Variants in MALRD1 observed in about 807,000 individuals in gnomAD.
The protein encoded by MALRD1 is MAM and LDL receptor class A domain containing 1.
MALRD1 carries 247 observed loss-of-function variants against 242.1 expected under a neutral mutation model. The observed-to-expected ratio is 1.02, with a 90% CI of 0.92 to 1.13. The LOEUF (loss-of-function observed/expected upper bound fraction) is 1.13, where lower values mean the gene tolerates loss of function less well. Among genes scored for constraint, MALRD1 ranks in the 50% most tolerant of loss-of-function variants. The pLI is 0.00. For synonymous variants in MALRD1, 995 were observed against 866.6 expected, an observed-to-expected ratio of 1.15 and a Z score of -2.60; for missense variants, 2,989 against 2,533.1, an observed-to-expected ratio of 1.18 and a Z score of -3.86.
intron 31 of MALRD1, among the ~76,000 whole-genome samples, chr10:19,506,682 T>C (rs1245852105): frequency 1.3e-5 from 2 of 152,108 alleles, no homozygotes; most frequent in African/African-American, 2.4e-5. Context: ...TGGTTAGATA[T>C]GATAATAAGT....
chr10:19,567,439 T>A (rs1185380033), intron 32 of MALRD1, 63 bp from the exon 33 acceptor site: 4 of 1,351,044 alleles, frequency 3.0e-6, no homozygotes, highest in East Asian at 2.5e-5. Context: ...TCATCAATCA[T>A]CTGGATGTCC....
At chr10:19,204,848 GT>G (rs1459141756) in intron 16 of MALRD1, 49 bp from the exon 17 acceptor site, 1 of 1,463,860 alleles carries the variant, frequency 6.8e-7, no homozygotes, top group South Asian at 1.4e-5. Context: ...GGTTAAATAT[GT>G]AGTCTATTCT....
chr10:19,721,793 T>G (rs1834768290), intron 38 of MALRD1: 1 of 152,260 alleles, frequency 6.6e-6, no homozygotes, highest in African/African-American at 2.4e-5. Flanking sequence ...TACTGCACTC[T>G]GCTCATCTTC....
chr10:19,347,751 T>C lies in MALRD1; in HGVS notation c.3902-20T>C, dbSNP rs1398614676. 3.9e-6 allele frequency: 6 copies of C among 1,548,772 alleles called. No individual in the cohort carries two copies. The highest frequency in any genetic ancestry group is 2.7e-5 in the African/African-American group (2 of 72,920). On this transcript the variant is annotated intron_variant, in intron 24 of 39. Coordinates refer to ENST00000454679, the MANE Select transcript of MALRD1 (RefSeq NM_001142308.3). ...GCAAATTTCCATTTTCTGTAACATA[T>C]ATTTGGAAATATTTTCCAGGTACCT... is the stretch of plus-strand genomic sequence containing the variant.
chr10:19,139,377 G>GT (rs1013844212), intron 10 of MALRD1, among the ~76,000 whole-genome samples: 3 of 152,074 alleles, frequency 2.0e-5, no homozygotes, highest in Non-Finnish European at 4.4e-5. Context: ...GTAATATCAA[G>GT]TTTTTTTCAT....
At chr10:19,243,955 G>C (rs11009097) in intron 18 of MALRD1, among the ~76,000 whole-genome samples, 32,909 of 151,928 alleles carry the variant, frequency 0.22, 3,723 homozygotes, top group Admixed American at 0.34. Flanking sequence ...GATTTGAGAA[G>C]GGAAATTTTA....
intron 28 of MALRD1, among the ~76,000 whole-genome samples, chr10:19,411,192 C>T (rs528458269): frequency 2.3e-3 from 350 of 152,232 alleles, no homozygotes; most frequent in Non-Finnish European, 4.2e-3. Flanking sequence ...AAAATTCAAG[C>T]TTTCGAGAAG....
At chr10:19,654,542 A>G (rs1344298220) in intron 36 of MALRD1, among the ~76,000 whole-genome samples, 1 of 152,184 alleles carries the variant, frequency 6.6e-6, no homozygotes, top group Non-Finnish European at 1.5e-5. Context: ...TGTTCTGACT[A>G]TATTTGAGAA....
intron 29 of MALRD1, among the ~76,000 whole-genome samples, chr10:19,485,355 TAAA>T (rs1837189360): frequency 6.6e-6 from 1 of 152,078 alleles, no homozygotes; most frequent in African/African-American, 2.4e-5. Context: ...TTTAAAATAA[TAAA>T]GAAGGCCGGG....
chr10:19,405,794 A>G (rs1847071718), intron 28 of MALRD1, among the ~76,000 whole-genome samples: 1 of 152,166 alleles, frequency 6.6e-6, no homozygotes, highest in Non-Finnish European at 1.5e-5. Flanking sequence ...CAATGCATAC[A>G]TAGACTCCAT....
chr10:19,722,619 A>AAAAAAAAAAG (rs57292963), intron 38 of MALRD1: 1 of 144,482 alleles, frequency 6.9e-6, no homozygotes, highest in African/African-American at 2.6e-5. Flanking sequence ...AAAAAAAAAA[A>AAAAAAAAAAG]GGTGGAAAAA....
intron 21 of MALRD1, among the ~76,000 whole-genome samples, chr10:19,303,378 T>TA (rs1444062236): frequency 9.2e-5 from 14 of 151,700 alleles, no homozygotes; most frequent in African/African-American, 3.1e-4. Flanking sequence ...ACTTATTTAA[T>TA]ATATAAATAA....
intron 26 of MALRD1, among the ~76,000 whole-genome samples, chr10:19,369,454 A>G (rs1588975879): frequency 6.7e-6 from 1 of 148,570 alleles, no homozygotes; most frequent in African/African-American, 2.4e-5. Flanking sequence ...TTTGCTTAAC[A>G]TTGAGATATA....
At chr10:19,318,384 C>A (rs1488617860) in intron 21 of MALRD1, among the ~76,000 whole-genome samples, 1 of 151,546 alleles carries the variant, frequency 6.6e-6, no homozygotes, top group Non-Finnish European at 1.5e-5. Flanking sequence ...CTTTTCCCTG[C>A]AGGTGAAAGG....
chr10:19,294,806 A>G (rs1001415072), intron 21 of MALRD1, among the ~76,000 whole-genome samples: 1 of 152,186 alleles, frequency 6.6e-6, no homozygotes, highest in Admixed American at 6.6e-5. Context: ...CACTATGGAA[A>G]GAAAAATACA....
intron 18 of MALRD1, among the ~76,000 whole-genome samples, chr10:19,241,437 T>C (rs1371873725): frequency 2.0e-5 from 3 of 152,274 alleles, no homozygotes; most frequent in East Asian, 3.9e-4. Flanking sequence ...TTTTCATCTT[T>C]TATTTATTTG....
At chr10:19,589,209 A>G (rs1213336891) in intron 33 of MALRD1, among the ~76,000 whole-genome samples, 1 of 152,216 alleles carries the variant, frequency 6.6e-6, no homozygotes, top group Non-Finnish European at 1.5e-5. Context: ...GTGGATAGAT[A>G]GATAGATAGA....
intron 33 of MALRD1, among the ~76,000 whole-genome samples, chr10:19,593,719 C>G (rs1371868201): frequency 6.6e-6 from 1 of 152,182 alleles, no homozygotes; most frequent in Non-Finnish European, 1.5e-5. Context: ...AACAGTCAGC[C>G]TCTGCTTTAA....
At chr10:19,270,247 A>G (rs1034449119) in intron 19 of MALRD1, among the ~76,000 whole-genome samples, 2 of 151,896 alleles carry the variant, frequency 1.3e-5, no homozygotes, top group Admixed American at 1.3e-4. Flanking sequence ...ACTGGGAGGC[A>G]GAAGTTGCAG....
Sources: gnomAD v4.1 joint callset for allele counts (sites outside exome capture counted in the v4.1 genomes callset) on GRCh38, gnomAD v4.1.1 for gene constraint, MANE v1.5 for transcripts, NCBI Gene and HGNC (gene_info 2026-07-23, HGNC 2026-07-21) for gene names.